APBB1IP: variants seen among roughly 807,000 people sequenced by gnomAD.
APBB1IP encodes the protein amyloid beta precursor protein binding family B member 1 interacting protein, also known as amyloid beta A4 precursor protein-binding family B member 1-interacting protein.
A neutral mutation model predicts 64.9 loss-of-function variants in APBB1IP; 27 were observed. That is an observed-to-expected ratio of 0.42 (90% CI 0.31 to 0.57). APBB1IP has a LOEUF of 0.57. Among genes scored for constraint, APBB1IP ranks in the 20% least tolerant of loss-of-function variants. APBB1IP has a pLI of 0.20. For missense variants in APBB1IP, 812 were observed against 845.5 expected (o/e 0.96, Z 0.49); for synonymous variants, 392 against 331.0 (o/e 1.18, Z -2.00).
Position 26,562,429 on chromosome 10 carries a change from G to A in APBB1IP, c.1473G>A (p.Lys491=). ...CCCAGAGACATGCTGAAACATCGAA[G>A]GTAAAACCAGCAAGCAGCTGACCCC... ...QEAQRHAETS[K]DKKPALGNHH... Residue 491 remains lysine (K), a splice_region_variant and synonymous_variant, in exon 14 of 15, where the codon AAG becomes AAA. Transcript: ENST00000376236. The A allele has an allele frequency of 6.2e-7, 1 of 1,612,638 alleles. No individual in the cohort carries two copies. The highest frequency in any genetic ancestry group is 8.5e-7 in the Non-Finnish European group (1 of 1,178,930).
In APBB1IP at chr10:26,488,688, T is replaced by G. The variant is rs187388305; in HGVS notation, c.1-3639T>G. On this transcript the variant is annotated intron_variant, in intron 2 of 14. Coordinates refer to ENST00000376236, the MANE Select transcript of APBB1IP (RefSeq NM_019043.4). ...CCATCTTCCTCTCTTCTAGGTGCCA[T>G]AAACACTTTTTTAATCCCAACAATA... 9.1e-4 allele frequency among the ~76,000 whole-genome samples: 138 copies of G among 152,330 alleles called. 2 individuals carry two copies. The East Asian group carries it at 0.026, about 28-fold the overall frequency.
chr10:26,538,007 C>T (rs117747851), intron 10 of APBB1IP, among the ~76,000 whole-genome samples: 1,826 of 149,920 alleles, frequency 0.012, 27 homozygotes, highest in South Asian at 0.056. Flanking sequence ...ACCATTAACA[C>T]GGGGTTGAGG....
intron 2 of APBB1IP, among the ~76,000 whole-genome samples, chr10:26,440,393 A>T (rs1381083172): frequency 2.0e-5 from 3 of 152,224 alleles, no homozygotes; most frequent in East Asian, 1.9e-4. Flanking sequence ...CAAATTTTTT[A>T]AAAATGGAGA....
chr10:26,567,580 C>A lies in APBB1IP; in HGVS notation c.*92C>A, dbSNP rs781757207. 3.4e-6 allele frequency: 5 copies of A among 1,464,056 alleles called. No homozygotes were observed. The East Asian group carries it at 8.9e-5, about 26-fold the overall frequency. The allele number at this position is 1,464,056 out of a possible 1,614,324, so 90.7% of individuals were successfully genotyped here. On this transcript the variant is annotated 3_prime_UTR_variant, in exon 15 of 15. Coordinates refer to ENST00000376236, the MANE Select transcript of APBB1IP (RefSeq NM_019043.4). ...GATTGCCCTGACATCTTGTTCATTT[C>A]AGATAAAATGTGATGGGAAACTTCT...
intron 2 of APBB1IP, among the ~76,000 whole-genome samples, chr10:26,473,999 C>CA (rs35712977): frequency 0.091 from 6,057 of 66,894 alleles, 589 homozygotes; most frequent in African/African-American, 0.24. Context: ...CACCCTGTCT[C>CA]AAAAAAAAAA....
At chr10:26,526,246 A>G (rs1836471751) in intron 8 of APBB1IP, among the ~76,000 whole-genome samples, 1 of 152,166 alleles carries the variant, frequency 6.6e-6, no homozygotes, top group African/African-American at 2.4e-5. Flanking sequence ...CAGAAAAGGA[A>G]TTGGTAAAGT....
chr10:26,448,572 A>G (rs1254017321), intron 2 of APBB1IP, among the ~76,000 whole-genome samples: 1 of 152,168 alleles, frequency 6.6e-6, no homozygotes, highest in African/African-American at 2.4e-5. Flanking sequence ...GGTGAATTCT[A>G]AAGTATTCAG....
rs190045034 is a variant in APBB1IP, at chr10:26,455,452, C to T, written c.-1+16599C>T. On this transcript the variant is annotated intron_variant, in intron 2 of 14. Transcript: ENST00000376236. Reference sequence around the variant, plus strand: ...CTGAGGCAGGAGAATTGCTTGAACCCAGGAGGCAGAGGTAGCAGTGAGTTG... The same window carrying T: ...CTGAGGCAGGAGAATTGCTTGAACCTAGGAGGCAGAGGTAGCAGTGAGTTG... Among the ~76,000 whole-genome samples the T allele has an allele frequency of 1.1e-4, 16 of 151,540 alleles. No homozygotes were observed. In the East Asian group the frequency reaches 2.9e-3, roughly 28 times the overall value.
chr10:26,493,298 A>G (rs896020923), intron 3 of APBB1IP, among the ~76,000 whole-genome samples: 1 of 152,192 alleles, frequency 6.6e-6, no homozygotes, highest in Non-Finnish European at 1.5e-5. Context: ...CAATCATCAC[A>G]GGGTCCTAAG....
intron 10 of APBB1IP, among the ~76,000 whole-genome samples, chr10:26,539,067 C>A (rs1405221563): frequency 6.6e-6 from 1 of 152,172 alleles, no homozygotes; most frequent in Non-Finnish European, 1.5e-5. Context: ...AAACTAAATT[C>A]TTGATTGATT....
In APBB1IP at chr10:26,559,213, A is replaced by G. The variant is rs16927106; in HGVS notation, c.1156-892A>G. On this transcript the variant is annotated intron_variant, in intron 11 of 14. Transcript: ENST00000376236. ...TGGGGATAGAGACAAGATAGAGGTG[A>G]AAAGCTTCCAAAAGTTAAAAAGGCA... Among the ~76,000 whole-genome samples, 669 of 152,354 alleles carry G rather than the reference A, an allele frequency of 4.4e-3. 11 individuals are homozygous for G. The highest frequency in any genetic ancestry group is 0.015 in the African/African-American group (633 of 41,582).
At chr10:26,562,503 T>TAAA in intron 14 of APBB1IP, 74 bp downstream of exon 14, 1 of 1,330,592 alleles carries the variant, frequency 7.5e-7, no homozygotes, top group South Asian at 1.2e-5. Context: ...ACTGCTCTTT[T>TAAA]AAAAAGAGAA....
At chr10:26,514,267 C>T (rs1035871723) in intron 8 of APBB1IP, among the ~76,000 whole-genome samples, 1 of 152,114 alleles carries the variant, frequency 6.6e-6, no homozygotes, top group East Asian at 1.9e-4. Context: ...TTCTGTGTGG[C>T]TGTATTAATC....
intron 2 of APBB1IP, among the ~76,000 whole-genome samples, chr10:26,472,431 C>G (rs146722583): frequency 6.6e-6 from 1 of 152,170 alleles, no homozygotes; most frequent in South Asian, 2.1e-4. Context: ...TATTTCCCAC[C>G]CACTTCTGAA....
intron 2 of APBB1IP, among the ~76,000 whole-genome samples, chr10:26,444,332 C>T (rs753208234): frequency 6.6e-6 from 1 of 152,060 alleles, no homozygotes; most frequent in East Asian, 1.9e-4. Context: ...ACTTTCACAC[C>T]GAGCAAAATG....
chr10:26,562,689 G>A (rs1427426532), intron 14 of APBB1IP, among the ~76,000 whole-genome samples: 1 of 151,862 alleles, frequency 6.6e-6, no homozygotes, highest in East Asian at 1.9e-4. Context: ...CCCAGCTACT[G>A]GGGAGGCTGA....
At chr10:26,554,028 G>A (rs1836864623) in intron 11 of APBB1IP, among the ~76,000 whole-genome samples, 1 of 152,160 alleles carries the variant, frequency 6.6e-6, no homozygotes, top group Non-Finnish European at 1.5e-5. Context: ...CATTGTCTGT[G>A]TTGGAGACAA....
rs137861921 is a variant in APBB1IP at position 26,492,500 on chromosome 10, C to T, written c.72+102C>T. 96 of 1,037,302 alleles carry T rather than the reference C, an allele frequency of 9.3e-5. No homozygotes were observed. In the African/African-American group the frequency reaches 1.3e-3, roughly 14 times the overall value. The allele number at this position is 1,037,302 out of a possible 1,614,324, so 64.3% of individuals were successfully genotyped here. A position where few individuals can be genotyped will look rare whatever the true frequency, so the allele number is the denominator to read the frequency against. The stretch of plus-strand genomic sequence containing the variant: ...GCTGTCTTTTTTAAAACCCTGATAT[C>T]GGGGGAACCAGCCCCCGATATTTCA... On this transcript the variant is annotated intron_variant, in intron 3 of 14. Coordinates refer to ENST00000376236, the MANE Select transcript of APBB1IP (RefSeq NM_019043.4).
chr10:26,550,657 T>C (rs751475297), intron 11 of APBB1IP, among the ~76,000 whole-genome samples: 1 of 152,218 alleles, frequency 6.6e-6, no homozygotes, highest in Non-Finnish European at 1.5e-5. Context: ...GAATTGCTTC[T>C]CTGTGTTTTC....
Sources: gnomAD v4.1 joint callset for allele counts (sites outside exome capture counted in the v4.1 genomes callset) on GRCh38, gnomAD v4.1.1 for gene constraint, MANE v1.5 for transcripts, NCBI Gene and HGNC (gene_info 2026-07-23, HGNC 2026-07-21) for gene names.